ADGRB3: variants seen among roughly 807,000 people sequenced by gnomAD.
The protein encoded by ADGRB3 is brain-specific angiogenesis inhibitor 3.
ADGRB3 carries 37 observed loss-of-function variants against 193.4 expected under a neutral mutation model. The observed-to-expected ratio is 0.19, with a 90% CI of 0.15 to 0.25. The LOEUF (loss-of-function observed/expected upper bound fraction) is 0.25. Among genes scored for constraint, ADGRB3 ranks in the 10% least tolerant of loss-of-function variants. ADGRB3 has a pLI of 1.00. For synonymous variants in ADGRB3, 690 were observed against 644.2 expected, an observed-to-expected ratio of 1.07 and a Z score of -1.08; for missense variants, 1,637 against 1,852.9, an observed-to-expected ratio of 0.88 and a Z score of 2.14.
chr6:69,004,495 T>C (rs947201536), intron 11 of ADGRB3, among the ~76,000 whole-genome samples: 8 of 151,946 alleles, frequency 5.3e-5, no homozygotes, highest in African/African-American at 1.9e-4. Context: ...ACATGTGCCA[T>C]GTTGGTGTGC....
Position 69,049,299 on chromosome 6 carries a change from T to C in ADGRB3, c.2286T>C (p.Leu762=). The C allele has an allele frequency of 6.2e-7, 1 of 1,609,054 alleles. No individual in the cohort carries two copies. The highest frequency in any genetic ancestry group is 1.1e-5 in the South Asian group (1 of 90,502). The change falls in exon 15 of 32, where the codon CTT becomes CTC. Residue 762 remains leucine (L), a synonymous_variant. Transcript: ENST00000370598. ...KELDESSVFV[L]GAVLYKNLDL... ...TAGATGAATCATCTGTATTTGTTCT[T>C]GGCGCAGTCCTATACAAAAACTTAG...
At chr6:69,067,069 A>G (rs1013207820) in intron 16 of ADGRB3, among the ~76,000 whole-genome samples, 1 of 152,128 alleles carries the variant, frequency 6.6e-6, no homozygotes, top group African/African-American at 2.4e-5. Flanking sequence ...CTGAAAATGC[A>G]TACTTTTTCC....
chr6:68,832,900 T>C (rs1767981101), intron 3 of ADGRB3, among the ~76,000 whole-genome samples: 1 of 152,182 alleles, frequency 6.6e-6, no homozygotes, highest in Non-Finnish European at 1.5e-5. Flanking sequence ...GCACAACATT[T>C]ACTTCTGCCT....
chr6:69,313,809 A>T (rs1010084078), intron 20 of ADGRB3, among the ~76,000 whole-genome samples: 10 of 151,760 alleles, frequency 6.6e-5, no homozygotes, highest in African/African-American at 1.9e-4. Context: ...GATGTTTTGA[A>T]ATACATATAC....
At chr6:69,232,543 C>T in intron 17 of ADGRB3, 4 of 1,535,626 alleles carry the variant, frequency 2.6e-6, no homozygotes, top group East Asian at 2.4e-5. Context: ...TGCTTCTGCC[C>T]CAGGGCAAAG....
intron 20 of ADGRB3, among the ~76,000 whole-genome samples, chr6:69,313,568 T>C (rs1768244369): frequency 6.6e-6 from 1 of 151,750 alleles, no homozygotes; most frequent in Admixed American, 6.6e-5. Context: ...CAATTTTATA[T>C]TTGCATTATT....
intron 6 of ADGRB3, among the ~76,000 whole-genome samples, chr6:68,948,641 T>C (rs1472867214): frequency 1.3e-5 from 2 of 152,158 alleles, no homozygotes; most frequent in African/African-American, 4.8e-5. Flanking sequence ...TAGTCAGTAG[T>C]TGAATATTAG....
At chr6:69,219,494 CGTGTGTGTG>C (rs1765847622) in intron 17 of ADGRB3, among the ~76,000 whole-genome samples, 1 of 68,080 alleles carries the variant, frequency 1.5e-5, no homozygotes, top group African/African-American at 4.4e-5. Flanking sequence ...TATATATATA[CGTGTGTGTG>C]TATATAGGTA....
chr6:68,980,849 C>T (rs1326791323), intron 10 of ADGRB3, among the ~76,000 whole-genome samples: 2 of 151,290 alleles, frequency 1.3e-5, no homozygotes, highest in Non-Finnish European at 3.0e-5. Flanking sequence ...AAGCAGGGAG[C>T]ACCTAAATCA....
At chr6:68,780,136 G>A (rs539531874) in intron 3 of ADGRB3, among the ~76,000 whole-genome samples, 3 of 152,044 alleles carry the variant, frequency 2.0e-5, no homozygotes, top group Admixed American at 6.6e-5. Flanking sequence ...TTCATACTCC[G>A]AGTGGAATCC....
At chr6:68,979,346 C>T (rs912266244) in intron 10 of ADGRB3, among the ~76,000 whole-genome samples, 4 of 151,148 alleles carry the variant, frequency 2.6e-5, no homozygotes, top group African/African-American at 9.7e-5. Context: ...TTCTCCAGCC[C>T]CCAAATACCT....
chr6:68,925,944 A>G (rs1767167343), intron 3 of ADGRB3, among the ~76,000 whole-genome samples: 1 of 152,084 alleles, frequency 6.6e-6, no homozygotes, highest in Admixed American at 6.6e-5. Flanking sequence ...CAAATGAAGC[A>G]GTATTTCAAT....
At chr6:68,843,048 C>CA (rs746757153) in intron 3 of ADGRB3, among the ~76,000 whole-genome samples, 1,646 of 88,100 alleles carry the variant, frequency 0.019, 34 homozygotes, top group African/African-American at 0.08. Flanking sequence ...CCATATACAA[C>CA]AACAAAAAAA....
chr6:69,288,447 G>A (rs932926531), intron 20 of ADGRB3, among the ~76,000 whole-genome samples: 5 of 151,980 alleles, frequency 3.3e-5, no homozygotes, highest in African/African-American at 9.7e-5. Context: ...TTGCAGCACC[G>A]TTCACGATAG....
intron 24 of ADGRB3, among the ~76,000 whole-genome samples, chr6:69,335,043 C>T (rs1270228971): frequency 6.6e-6 from 1 of 151,836 alleles, no homozygotes; most frequent in Non-Finnish European, 1.5e-5. Context: ...AACTGTCAAT[C>T]AAGAATCCAT....
intron 3 of ADGRB3, among the ~76,000 whole-genome samples, chr6:68,914,499 A>T (rs1766820413): frequency 6.6e-6 from 1 of 152,150 alleles, no homozygotes; most frequent in Non-Finnish European, 1.5e-5. Flanking sequence ...ATGCTGAGAG[A>T]TTTTGTCACC....
intron 3 of ADGRB3, among the ~76,000 whole-genome samples, chr6:68,778,411 C>G (rs1472060036): frequency 3.9e-5 from 6 of 152,092 alleles, no homozygotes; most frequent in Admixed American, 3.9e-4. Context: ...GTCATGCCCA[C>G]TTTCCAAATG....
At chr6:69,227,415 T>G (rs536670125) in intron 17 of ADGRB3, among the ~76,000 whole-genome samples, 2 of 152,328 alleles carry the variant, frequency 1.3e-5, no homozygotes, top group South Asian at 4.1e-4. Flanking sequence ...GACATGATTT[T>G]TAGTGGAGTT....
At chr6:68,975,100 A>T (rs1240831332) in intron 9 of ADGRB3, 134 bp from the exon 10 acceptor site, 1 of 737,638 alleles carries the variant, frequency 1.4e-6, no homozygotes, top group Non-Finnish European at 2.2e-6. Context: ...AAAAATAATC[A>T]AAATATCAAT....
Sources: allele counts gnomAD v4.1 joint callset (sites outside exome capture counted in the v4.1 genomes callset), GRCh38; gene constraint gnomAD v4.1.1; transcripts MANE v1.5; gene names NCBI Gene and HGNC (gene_info 2026-07-23, HGNC 2026-07-21).